Variants in DPP10 observed in about 807,000 individuals in gnomAD.
The protein encoded by DPP10 is dipeptidyl peptidase like 10.
A neutral mutation model predicts 120.9 loss-of-function variants in DPP10; 33 were observed. The ratio of observed to expected loss-of-function variants is 0.27; its 90% CI spans 0.21 to 0.37. The LOEUF is 0.37. Ranked by LOEUF, DPP10 falls within the 10% of genes least tolerant of loss-of-function variation. The pLI is 1.00. For missense variants in DPP10, 816 were observed against 942.8 expected (o/e 0.87, Z 1.76); for synonymous variants, 337 against 326.1 (o/e 1.03, Z -0.36).
chr2:114,731,632 G>A (rs559469822), intron 1 of DPP10, among the ~76,000 whole-genome samples: 3 of 152,282 alleles, frequency 2.0e-5, no homozygotes, highest in Admixed American at 2.0e-4. Context: ...TTCCTACAAA[G>A]ATAGCCATTC....
intron 11 of DPP10, among the ~76,000 whole-genome samples, chr2:115,754,412 A>G (rs1370164406): frequency 6.6e-6 from 1 of 152,180 alleles, no homozygotes; most frequent in African/African-American, 2.4e-5. Flanking sequence ...AAGAATCTGC[A>G]AGTTGCAAAG....
chr2:114,752,644 G>A (rs1403997512), intron 1 of DPP10, among the ~76,000 whole-genome samples: 2 of 152,126 alleles, frequency 1.3e-5, no homozygotes, highest in Non-Finnish European at 2.9e-5. Flanking sequence ...GCATCAGACT[G>A]TCCTGCAGGG....
intron 1 of DPP10, among the ~76,000 whole-genome samples, chr2:114,776,555 A>G (rs1490397193): frequency 6.6e-6 from 1 of 152,146 alleles, no homozygotes; most frequent in South Asian, 2.1e-4. Flanking sequence ...TAGTGTGATG[A>G]ATTTGGCTTT....
chr2:115,835,091 G>A (rs768593675), intron 21 of DPP10, among the ~76,000 whole-genome samples: 13 of 151,026 alleles, frequency 8.6e-5, no homozygotes, highest in Admixed American at 4.6e-4. Context: ...AGCCGAGATC[G>A]CACCACTGCA....
At chr2:114,932,884 A>G (rs1322253310) in intron 1 of DPP10, among the ~76,000 whole-genome samples, 1 of 152,196 alleles carries the variant, frequency 6.6e-6, no homozygotes, top group East Asian at 1.9e-4. Context: ...CCTCACTCCT[A>G]CTACTTACTA....
At chr2:115,135,863 G>C (rs1374754757) in intron 1 of DPP10, among the ~76,000 whole-genome samples, 1 of 152,154 alleles carries the variant, frequency 6.6e-6, no homozygotes, top group Admixed American at 6.5e-5. Flanking sequence ...CATGGTTTGT[G>C]ATTCTCATGC....
chr2:114,957,215 T>C (rs1383185511), intron 1 of DPP10, among the ~76,000 whole-genome samples: 1 of 151,574 alleles, frequency 6.6e-6, no homozygotes, highest in Admixed American at 6.6e-5. Flanking sequence ...TTTAAGGAGC[T>C]CAAACAACTC....
At chr2:114,808,029 C>T (rs1405333923) in intron 1 of DPP10, among the ~76,000 whole-genome samples, 2 of 152,210 alleles carry the variant, frequency 1.3e-5, no homozygotes, top group Admixed American at 6.5e-5. Flanking sequence ...AAATTTCTTA[C>T]AAGTGGCTCA....
chr2:114,542,084 G>C (rs1687006315), intron 1 of DPP10, among the ~76,000 whole-genome samples: 1 of 118,666 alleles, frequency 8.4e-6, no homozygotes. Context: ...GTCTCACTCT[G>C]TCTCCAAGGC....
chr2:114,716,373 T>G (rs1426190929), intron 1 of DPP10, among the ~76,000 whole-genome samples: 2 of 152,210 alleles, frequency 1.3e-5, no homozygotes, highest in African/African-American at 4.8e-5. Context: ...ACACATCCTG[T>G]GTCAACCACA....
intron 5 of DPP10, among the ~76,000 whole-genome samples, chr2:115,572,215 AT>A (rs34855802): frequency 0.35 from 52,333 of 147,476 alleles, 9,320 homozygotes; most frequent in Admixed American, 0.43. Flanking sequence ...ACCCACAAAC[AT>A]TTTTTTTTTT....
intron 1 of DPP10, among the ~76,000 whole-genome samples, chr2:114,847,444 C>A (rs1048458198): frequency 2.0e-5 from 3 of 152,152 alleles, no homozygotes; most frequent in African/African-American, 7.2e-5. Flanking sequence ...CATTGAGCCA[C>A]TTAATTTGTA....
chr2:115,394,643 T>G (rs1393682898), intron 3 of DPP10, among the ~76,000 whole-genome samples: 1 of 152,124 alleles, frequency 6.6e-6, no homozygotes, highest in East Asian at 1.9e-4. Context: ...ATAGCCCATA[T>G]CAGATGCAAT....
intron 21 of DPP10, among the ~76,000 whole-genome samples, chr2:115,822,795 C>A (rs1233744361): frequency 6.6e-6 from 1 of 151,920 alleles, no homozygotes; most frequent in Non-Finnish European, 1.5e-5. Context: ...GTTAAAATCT[C>A]ACTTTAACAT....
At chr2:115,051,497 A>T (rs1176673083) in intron 1 of DPP10, among the ~76,000 whole-genome samples, 2 of 152,210 alleles carry the variant, frequency 1.3e-5, no homozygotes, top group East Asian at 1.9e-4. Context: ...ACTAATGGAC[A>T]CTAGACAGCT....
intron 3 of DPP10, among the ~76,000 whole-genome samples, chr2:115,478,844 C>T (rs574328316): frequency 6.6e-6 from 1 of 152,214 alleles, no homozygotes; most frequent in Non-Finnish European, 1.5e-5. Flanking sequence ...GTTAAAACCA[C>T]AATTTGATAC....
At chr2:114,973,866 G>T (rs1039719798) in intron 1 of DPP10, among the ~76,000 whole-genome samples, 10 of 151,756 alleles carry the variant, frequency 6.6e-5, no homozygotes, top group Non-Finnish European at 1.5e-4. Context: ...GCTAATGTGT[G>T]TGTTTTTGTC....
At chr2:115,606,560 A>T (rs1024281965) in intron 5 of DPP10, among the ~76,000 whole-genome samples, 3 of 152,150 alleles carry the variant, frequency 2.0e-5, no homozygotes, top group Non-Finnish European at 4.4e-5. Flanking sequence ...ACTTATAAAC[A>T]CTTGGCTGAA....
chr2:115,648,315 G>T (rs2087454326), intron 5 of DPP10, among the ~76,000 whole-genome samples: 1 of 152,070 alleles, frequency 6.6e-6, no homozygotes, highest in African/African-American at 2.4e-5. Flanking sequence ...CAACATTATA[G>T]TTAAATAGGA....
Sources: allele counts gnomAD v4.1 joint callset (sites outside exome capture counted in the v4.1 genomes callset), GRCh38; gene constraint gnomAD v4.1.1; transcripts MANE v1.5; gene names NCBI Gene and HGNC (gene_info 2026-07-23, HGNC 2026-07-21).